KLHDC10: variants seen among roughly 807,000 people sequenced by gnomAD.
KLHDC10 encodes the protein kelch domain containing 10.
Under a neutral mutation model 56.1 loss-of-function variants are expected in KLHDC10, and 24 were observed. The ratio of observed to expected loss-of-function variants is 0.43; its 90% CI spans 0.31 to 0.60. The LOEUF (loss-of-function observed/expected upper bound fraction) is 0.60. Among genes scored for constraint, KLHDC10 ranks in the 20% least tolerant of loss-of-function variants. The pLI, the probability that KLHDC10 is intolerant of heterozygous loss-of-function variation, is 0.11. For synonymous variants in KLHDC10, 188 were observed against 207.1 expected, an observed-to-expected ratio of 0.91 and a Z score of 0.79; for missense variants, 349 against 567.0, an observed-to-expected ratio of 0.62 and a Z score of 3.91.
intron 2 of KLHDC10, among the ~76,000 whole-genome samples, chr7:130,104,364 T>A (rs1424726281): frequency 6.6e-6 from 1 of 152,176 alleles, no homozygotes; most frequent in East Asian, 1.9e-4. Flanking sequence ...GTCCTAGAAT[T>A]TTTTGTTTTA....
At position 130,120,852 on chromosome 7, in the gene KLHDC10, A is replaced by G; in HGVS notation, c.579A>G (p.Arg193=). The G allele has an allele frequency of 3.7e-6, 6 of 1,614,138 alleles. No individual in the cohort carries two copies. The highest frequency in any genetic ancestry group is 5.1e-6 in the Non-Finnish European group (6 of 1,180,016). Residue 193 remains arginine, a synonymous_variant, in exon 4 of 10, where the codon AGA becomes AGG. Transcript: ENST00000335420. This position sits in a 1 kb window ranked among gnomAD's most constrained non-coding sequence, Gnocchi z 5.1. ...ATGTGTGTAATGTGAAGTATAAGAG[A>G]TGGGCTTTGCTCAGCTGTCGGGGGA... The part of the protein sequence containing the change: ...DVHVCNVKYK[R]WALLSCRGKK...
Position 130,070,731 on chromosome 7 carries a change from G to T in KLHDC10, c.88G>T (p.Gly30Cys), listed in dbSNP as rs777034386. 6 of 1,282,250 alleles carry T rather than the reference G, an allele frequency of 4.7e-6. No individual in the cohort carries two copies. Among genetic ancestry groups the T allele is most frequent in the East Asian group, 3.1e-5 (1 of 32,424 alleles). 79.4% of individuals were successfully genotyped at this position (1,282,250 alleles called of 1,614,324 possible). The change falls in exon 1 of 10, where the codon GGC becomes TGC. Residue 30 changes from glycine (G) to cysteine (C), a missense_variant. Transcript: ENST00000335420. ...TGGCGGAGGTAGCGGGGCCGGCGGGGGCAGTGGGGGCAGCGGGGGTCGGGG... is the reference window on the plus strand; with the variant it reads ...TGGCGGAGGTAGCGGGGCCGGCGGGTGCAGTGGGGGCAGCGGGGGTCGGGG... ...AGGGGSGAGG[G>C]SGGSGGRGTG...
intron 1 of KLHDC10, among the ~76,000 whole-genome samples, chr7:130,088,117 G>T (rs1370783203): frequency 6.6e-6 from 1 of 152,036 alleles, no homozygotes; most frequent in Non-Finnish European, 1.5e-5. Context: ...TTAAAAATTT[G>T]CTAATTAGTG....
At chr7:130,101,992 A>G (rs1795937188) in intron 2 of KLHDC10, among the ~76,000 whole-genome samples, 1 of 150,466 alleles carries the variant, frequency 6.6e-6, no homozygotes, top group African/African-American at 2.4e-5. Flanking sequence ...AAAAAAAAAA[A>G]AAGACTGGAG....
rs1056801512 is a variant in KLHDC10, at chr7:130,130,469, C to T, written c.1120-68C>T. 4.8e-6 allele frequency: 6 copies of T among 1,247,664 alleles called. No homozygotes were observed. The highest frequency in any genetic ancestry group is 7.0e-6 in the Non-Finnish European group (6 of 852,304). The allele number at this position is 1,247,664 out of a possible 1,614,324, so 77.3% of individuals were successfully genotyped here. ...TTTGATTCCATCTACTATGCTTTTT[C>T]CCCACTGAGTCTTCAGCCTTGTATG... On this transcript the variant is annotated intron_variant, in intron 9 of 9. Transcript: ENST00000335420. The surrounding 1 kb of genome is among the most constrained non-coding windows in gnomAD (Gnocchi z 4.2).
At chr7:130,075,052 T>G (rs766760319) in intron 1 of KLHDC10, among the ~76,000 whole-genome samples, 4 of 152,222 alleles carry the variant, frequency 2.6e-5, no homozygotes, top group Admixed American at 2.6e-4. Context: ...GTTTGCCTCA[T>G]AGGCCAAGAA....
intron 3 of KLHDC10, among the ~76,000 whole-genome samples, chr7:130,118,482 T>C (rs1008127684): frequency 6.6e-6 from 1 of 152,234 alleles, no homozygotes; most frequent in Non-Finnish European, 1.5e-5. Flanking sequence ...CCACTTAAAC[T>C]TTCTGCATAT....
intron 6 of KLHDC10, 119 bp downstream of exon 6, chr7:130,124,654 A>T: frequency 1.7e-6 from 1 of 602,188 alleles, no homozygotes; most frequent in Non-Finnish European, 3.0e-6. Context: ...ATTCCTCATT[A>T]ACACCTATTT....
intron 1 of KLHDC10, among the ~76,000 whole-genome samples, chr7:130,078,177 G>A (rs960783764): frequency 1.3e-5 from 2 of 151,268 alleles, no homozygotes; most frequent in Non-Finnish European, 2.9e-5. Context: ...AGACCAGCTT[G>A]GCCAATATGG....
At chr7:130,088,339 G>A (rs1320289175) in intron 1 of KLHDC10, among the ~76,000 whole-genome samples, 3 of 151,386 alleles carry the variant, frequency 2.0e-5, no homozygotes, top group African/African-American at 4.9e-5. Flanking sequence ...CAGTGGTGCA[G>A]TCTTGGCTCA....
intron 9 of KLHDC10, among the ~76,000 whole-genome samples, chr7:130,129,809 C>T (rs142938025): frequency 2.0e-5 from 3 of 152,246 alleles, no homozygotes; most frequent in Non-Finnish European, 2.9e-5. Context: ...TGTGGCATTC[C>T]GGCCCTGACC....
At chr7:130,096,517 A>T (rs1456072433) in intron 1 of KLHDC10, among the ~76,000 whole-genome samples, 1 of 152,274 alleles carries the variant, frequency 6.6e-6, no homozygotes, top group East Asian at 1.9e-4. Context: ...CCTTGAAGAG[A>T]ACAGGAGCCT....
chr7:130,128,890 ATATATATAT>A (rs1293300121), intron 8 of KLHDC10, among the ~76,000 whole-genome samples: 8 of 45,004 alleles, frequency 1.8e-4, no homozygotes, highest in East Asian at 4.3e-4. Flanking sequence ...AAAAAAAAAA[ATATATATAT>A]ATATATATAT....
At chr7:130,103,130 A>C (rs530338218) in intron 2 of KLHDC10, among the ~76,000 whole-genome samples, 1 of 152,262 alleles carries the variant, frequency 6.6e-6, no homozygotes, top group Non-Finnish European at 1.5e-5. Context: ...AGAAAATTTA[A>C]AAATCTGAGT....
intron 1 of KLHDC10, among the ~76,000 whole-genome samples, chr7:130,075,256 A>T (rs984380171): frequency 2.0e-5 from 3 of 152,240 alleles, no homozygotes; most frequent in African/African-American, 7.2e-5. Flanking sequence ...TTAGCTGGGA[A>T]AACAGTTAAA....
At chr7:130,098,668 C>T (rs1795886753) in intron 2 of KLHDC10, among the ~76,000 whole-genome samples, 1 of 151,766 alleles carries the variant, frequency 6.6e-6, no homozygotes, top group South Asian at 2.1e-4. Context: ...AATTAAACTT[C>T]ATTTTAGTTA....
chr7:130,128,813 G>A (rs1412956233), intron 8 of KLHDC10, among the ~76,000 whole-genome samples: 1 of 145,832 alleles, frequency 6.9e-6, no homozygotes, highest in Non-Finnish European at 1.5e-5. Flanking sequence ...GCTGAGGCGG[G>A]AGGGTCACTT....
chr7:130,113,100 G>T (rs72607766), intron 2 of KLHDC10, among the ~76,000 whole-genome samples: 20,389 of 151,478 alleles, frequency 0.13, 1,572 homozygotes, highest in East Asian at 0.31. Flanking sequence ...TTCATTTTTG[G>T]GTACTAAGTC....
At chr7:130,077,558 T>C (rs1310996194) in intron 1 of KLHDC10, among the ~76,000 whole-genome samples, 1 of 136,656 alleles carries the variant, frequency 7.3e-6, no homozygotes, top group Non-Finnish European at 1.6e-5. Flanking sequence ...TTTCTTTCTT[T>C]TTTTTTTTTT....
Sources: allele counts gnomAD v4.1 joint callset (sites outside exome capture counted in the v4.1 genomes callset), GRCh38; gene constraint gnomAD v4.1.1; non-coding constraint Gnocchi (gnomAD v3.1); transcripts MANE v1.5; gene names NCBI Gene and HGNC (gene_info 2026-07-23, HGNC 2026-07-21).